The following SCD variants were observed in gnomAD, a reference collection of about 807,000 sequenced individuals.
SCD encodes stearoyl-CoA desaturase.
Under a neutral mutation model 35.7 loss-of-function variants are expected in SCD, and 4 were observed. That is an observed-to-expected ratio of 0.11 (90% CI 0.06 to 0.26). The LOEUF is 0.26. SCD is among the 10% of genes least tolerant of loss of function. SCD has a pLI of 1.00. For synonymous variants in SCD, 150 were observed against 170.2 expected (o/e 0.88, Z 0.92); for missense variants, 282 against 460.7 (o/e 0.61, Z 3.55).
Position 100,348,362 on chromosome 10 carries a change from GTCC to G in SCD, c.310+21_310+23del. On this transcript the variant is annotated intron_variant, in intron 2 of 5. Coordinates refer to ENST00000370355, the MANE Select transcript of SCD (RefSeq NM_005063.5). Reference sequence around the variant, plus strand: ...TGGCTTTGGGGTAAGCAGCCTCCCTGTCCTCCTGACCTAGTCCTCCAGGTACTC... The same window carrying G: ...TGGCTTTGGGGTAAGCAGCCTCCCTGTCCTGACCTAGTCCTCCAGGTACTC... 2 of 1,611,258 alleles carry G rather than the reference GTCC, an allele frequency of 1.2e-6. No homozygotes were observed. The highest frequency in any genetic ancestry group is 1.7e-6 in the Non-Finnish European group (2 of 1,178,584).
At position 100,361,889 on chromosome 10, in the gene SCD, T is replaced by C. The variant is rs1028228245; in HGVS notation, c.*956T>C. 9.2e-5 allele frequency: 14 copies of C among 152,194 alleles called. No homozygotes were observed. The highest frequency in any genetic ancestry group is 3.4e-4 in the African/African-American group (14 of 41,438). 9.4% of individuals were successfully genotyped at this position (152,194 alleles called of 1,614,324 possible). On this transcript the variant is annotated 3_prime_UTR_variant, in exon 6 of 6. Transcript: ENST00000370355. ...AGCTGCTCATTACAGTTCTTTCCTC[T>C]TTCTGCTCTGCCATCTTCAGGATAT...
chr10:100,349,529 G>A (rs1247882824), intron 2 of SCD, among the ~76,000 whole-genome samples: 1 of 152,174 alleles, frequency 6.6e-6, no homozygotes, highest in African/African-American at 2.4e-5. Flanking sequence ...TCTGAAGATG[G>A]TGAGATCTGG....
chr10:100,360,321 T>C (rs370938055), intron 5 of SCD, among the ~76,000 whole-genome samples: 50 of 152,344 alleles, frequency 3.3e-4, no homozygotes, highest in African/African-American at 1.1e-3. Context: ...TGATACCCAT[T>C]CCCAAAAGTA....
In SCD at chr10:100,361,952, T is replaced by C. The variant is rs202168675; in HGVS notation, c.*1019T>C. 6.6e-6 allele frequency: 1 copy of C among 152,188 alleles called. No homozygotes were observed. Among genetic ancestry groups the C allele is most frequent in the Non-Finnish European group, 1.5e-5 (1 of 68,042 alleles). The allele number at this position is 152,188 out of a possible 1,614,324, so 9.4% of individuals were successfully genotyped here. On this transcript the variant is annotated 3_prime_UTR_variant, in exon 6 of 6. Transcript: ENST00000370355. ...TCATAGTAATAAGATGGCTGTGGCA[T>C]TTCCAAACATCCAAAAAAAGGGAAG...
Position 100,348,149 on chromosome 10 carries a change from T to C in SCD, c.113T>C (p.Met38Thr), listed in dbSNP as rs764299795. 1 of 1,613,870 alleles carries C rather than the reference T, an allele frequency of 6.2e-7. No homozygotes were observed. The highest frequency in any genetic ancestry group is 8.5e-7 in the Non-Finnish European group (1 of 1,179,844). ...AATGGAGGAGATAAGTTGGAGACGA[T>C]GCCCCTCTACTTGGAAGACGACATT... Reference protein sequence around the residue: ...LQNGGDKLETMPLYLEDDIRP... With the variant: ...LQNGGDKLETTPLYLEDDIRP... Residue 38 changes from methionine to threonine, a missense_variant, in exon 2 of 6, where the codon ATG (methionine) becomes ACG (threonine). Around this residue, in one of 2 missense-constraint regions of SCD, gnomAD observed 77 missense variants for 88.4 expected, o/e 0.87. Coordinates refer to ENST00000370355, the MANE Select transcript of SCD (RefSeq NM_005063.5).
At chr10:100,353,489 G>A (rs1401625770) in intron 3 of SCD, among the ~76,000 whole-genome samples, 3 of 151,640 alleles carry the variant, frequency 2.0e-5, no homozygotes, top group Non-Finnish European at 2.9e-5. Flanking sequence ...GGAGGCTGAG[G>A]CAGGAGAATG....
chr10:100,347,351 C>A lies in SCD; in HGVS notation c.-154C>A. ...TAAATTCCCGGCTCGGGGACCTCCA[C>A]GCACCGCGGCTAGCGCCGACAACCA... On this transcript the variant is annotated 5_prime_UTR_variant, in exon 1 of 6. Transcript: ENST00000370355. The A allele has an allele frequency of 1.2e-6, 1 of 816,714 alleles. No individual in the cohort carries two copies. The highest frequency in any genetic ancestry group is 1.5e-5 in the South Asian group (1 of 68,300). 50.6% of individuals were successfully genotyped at this position (816,714 alleles called of 1,614,324 possible).
intron 2 of SCD, among the ~76,000 whole-genome samples, chr10:100,351,130 T>A (rs1294315752): frequency 1.3e-5 from 2 of 152,228 alleles, no homozygotes; most frequent in African/African-American, 4.8e-5. Context: ...TCCCTAGGAA[T>A]GAAACATTGT....
intron 1 of SCD, 61 bp downstream of exon 1, chr10:100,347,592 G>A (rs1256808803): frequency 1.3e-5 from 21 of 1,603,946 alleles, no homozygotes; most frequent in East Asian, 2.2e-5. Flanking sequence ...GCTTCCAGGG[G>A]ACGGGTTGGT....
chr10:100,351,657 T>G (rs1190653071), intron 2 of SCD, among the ~76,000 whole-genome samples: 1 of 152,142 alleles, frequency 6.6e-6, no homozygotes, highest in African/African-American at 2.4e-5. Context: ...ATTTTATTTT[T>G]TGAGATAAGG....
chr10:100,348,618 A>C (rs980935486), intron 2 of SCD, among the ~76,000 whole-genome samples: 5 of 152,090 alleles, frequency 3.3e-5, no homozygotes, highest in Non-Finnish European at 7.3e-5. Context: ...TTTCCCTGAA[A>C]GAGCTTTTCT....
At chr10:100,354,075 C>T (rs1289200317) in intron 3 of SCD, among the ~76,000 whole-genome samples, 1 of 152,204 alleles carries the variant, frequency 6.6e-6, no homozygotes, top group Non-Finnish European at 1.5e-5. Context: ...GGATTAGGTA[C>T]CCCATGAGGA....
chr10:100,348,672 A>G (rs1038825613), intron 2 of SCD, among the ~76,000 whole-genome samples: 2 of 152,156 alleles, frequency 1.3e-5, no homozygotes, highest in Non-Finnish European at 2.9e-5. Context: ...CCTGCCAGCC[A>G]CAAAAGAATC....
chr10:100,350,279 T>G (rs1473064043), intron 2 of SCD, among the ~76,000 whole-genome samples: 1 of 152,154 alleles, frequency 6.6e-6, no homozygotes, highest in Non-Finnish European at 1.5e-5. Flanking sequence ...AGGTCTCAAC[T>G]TGGACATCTT....
intron 5 of SCD, 112 bp from the exon 6 acceptor site, chr10:100,360,622 C>A: frequency 1.2e-6 from 1 of 813,508 alleles, no homozygotes; most frequent in Non-Finnish European, 2.1e-6. Flanking sequence ...TTCATCCATT[C>A]AACAATAGCG....
rs1849993938 is a variant in SCD, at chr10:100,361,926, C to T, written c.*993C>T. ...CATCTTCAGGATATTGGTTCTTCCC[C>T]TCATAGTAATAAGATGGCTGTGGCA... On this transcript the variant is annotated 3_prime_UTR_variant, in exon 6 of 6. Coordinates refer to ENST00000370355, the MANE Select transcript of SCD (RefSeq NM_005063.5). The T allele has an allele frequency of 6.6e-6, 1 of 152,062 alleles. No homozygotes were observed. Among genetic ancestry groups the T allele is most frequent in the South Asian group, 2.1e-4 (1 of 4,830 alleles). 9.4% of individuals were successfully genotyped at this position (152,062 alleles called of 1,614,324 possible). A position where few individuals can be genotyped will look rare whatever the true frequency, so the allele number is the denominator to read the frequency against.
chr10:100,357,017 C>T (rs2060619189), intron 5 of SCD, among the ~76,000 whole-genome samples: 1 of 152,134 alleles, frequency 6.6e-6, no homozygotes, highest in South Asian at 2.1e-4. Context: ...AAACAATTTC[C>T]AAATGCCATG....
chr10:100,354,452 A>C lies in SCD; in HGVS notation c.467A>C (p.Asp156Ala). ...FQNDVYEWAR[D>A]HRAHHKFSET... ...AATGATGTCTATGAATGGGCTCGTG[A>C]CCACCGTGCCCACCACAAGTTTTCA... The change falls in exon 4 of 6, where the codon GAC becomes GCC. Residue 156 changes from aspartate to alanine, a missense_variant. Coordinates refer to ENST00000370355, the MANE Select transcript of SCD (RefSeq NM_005063.5). 2 of 1,613,814 alleles carry C rather than the reference A, an allele frequency of 1.2e-6. No homozygotes were observed. Among genetic ancestry groups the C allele is most frequent in the Non-Finnish European group, 1.7e-6 (2 of 1,179,770 alleles).
chr10:100,353,436 T>A (rs1041918920), intron 3 of SCD, among the ~76,000 whole-genome samples: 2 of 151,924 alleles, frequency 1.3e-5, no homozygotes, highest in Admixed American at 6.6e-5. Flanking sequence ...ATACAAAAAA[T>A]TAGCCAGGCG....
Sources: allele counts gnomAD v4.1 joint callset (sites outside exome capture counted in the v4.1 genomes callset), GRCh38; gene constraint gnomAD v4.1.1; regional missense constraint gnomAD v4.1.1; transcripts MANE v1.5; gene names NCBI Gene and HGNC (gene_info 2026-07-23, HGNC 2026-07-21).